EDIL3: variants seen among roughly 807,000 people sequenced by gnomAD.
The protein encoded by EDIL3 is EGF like and discoidin domains 3, also known as EGF-like repeat and discoidin I-like domain-containing protein 3.
EDIL3 carries 37 observed loss-of-function variants against 67.4 expected under a neutral mutation model. That is an observed-to-expected ratio of 0.55 (90% CI 0.42 to 0.72). The LOEUF (loss-of-function observed/expected upper bound fraction) is 0.72, where lower values mean the gene tolerates loss of function less well. Ranked by LOEUF, EDIL3 falls within the 30% of genes least tolerant of loss-of-function variation. The probability of loss-of-function intolerance (pLI) is 0.00; values close to 1 mark genes in which losing one functional copy is unlikely to be tolerated. For missense variants in EDIL3, 527 were observed against 586.3 expected (o/e 0.90, Z 1.04); for synonymous variants, 195 against 196.3 (o/e 0.99, Z 0.05).
At chr5:84,162,025 C>T (rs1004651377) in intron 4 of EDIL3, among the ~76,000 whole-genome samples, 1 of 152,100 alleles carries the variant, frequency 6.6e-6, no homozygotes, top group East Asian at 1.9e-4. Flanking sequence ...CACTGTCTTT[C>T]CCAAGCAGTA....
At chr5:84,054,844 T>C (rs1329251330) in intron 9 of EDIL3, among the ~76,000 whole-genome samples, 2 of 148,508 alleles carry the variant, frequency 1.3e-5, no homozygotes, top group Non-Finnish European at 3.0e-5. Flanking sequence ...TCCATGCTCA[T>C]GGATAGGAAG....
chr5:84,103,634 T>C (rs1747407678), intron 6 of EDIL3, among the ~76,000 whole-genome samples: 1 of 151,970 alleles, frequency 6.6e-6, no homozygotes, highest in Non-Finnish European at 1.5e-5. Context: ...AAATCAGTTA[T>C]CATTAGAGAA....
At chr5:84,234,361 C>T (rs1744639564) in intron 2 of EDIL3, among the ~76,000 whole-genome samples, 1 of 152,148 alleles carries the variant, frequency 6.6e-6, no homozygotes, top group South Asian at 2.1e-4. Context: ...ATCATACAGA[C>T]TCTCCTTGAC....
At chr5:84,371,396 T>C (rs1172789929) in intron 1 of EDIL3, among the ~76,000 whole-genome samples, 1 of 146,446 alleles carries the variant, frequency 6.8e-6, no homozygotes, top group Non-Finnish European at 1.5e-5. Flanking sequence ...TATATGTGTG[T>C]ATATATATGT....
At chr5:84,313,839 C>T (rs1746456686) in intron 1 of EDIL3, among the ~76,000 whole-genome samples, 1 of 152,124 alleles carries the variant, frequency 6.6e-6, no homozygotes, top group Non-Finnish European at 1.5e-5. Flanking sequence ...GATCCACATA[C>T]TAAAGGTATA....
At chr5:84,099,130 G>T (rs1007637527) in intron 6 of EDIL3, among the ~76,000 whole-genome samples, 1 of 152,124 alleles carries the variant, frequency 6.6e-6, no homozygotes, top group South Asian at 2.1e-4. Context: ...AACATTCCAT[G>T]CACATGGATA....
At chr5:84,117,349 A>G (rs1212708752) in intron 5 of EDIL3, among the ~76,000 whole-genome samples, 1 of 152,016 alleles carries the variant, frequency 6.6e-6, no homozygotes, top group East Asian at 1.9e-4. Flanking sequence ...TTTTTGTTGA[A>G]CAATATTTGT....
At chr5:84,060,273 T>G (rs1165412187) in intron 9 of EDIL3, 27 bp downstream of exon 9, 2 of 1,609,054 alleles carry the variant, frequency 1.2e-6, no homozygotes, top group African/African-American at 2.7e-5. Flanking sequence ...GAACAGTGGG[T>G]AGTGAAACAG....
chr5:84,282,921 C>T (rs1045964905), intron 1 of EDIL3, among the ~76,000 whole-genome samples: 5 of 152,114 alleles, frequency 3.3e-5, no homozygotes, highest in Non-Finnish European at 5.9e-5. Context: ...CTGTTTCACA[C>T]ACTTTTTGAA....
intron 3 of EDIL3, among the ~76,000 whole-genome samples, chr5:84,183,117 T>C (rs1389817010): frequency 6.6e-6 from 1 of 152,222 alleles, no homozygotes; most frequent in Admixed American, 6.5e-5. Flanking sequence ...TTACAATTTA[T>C]AAACTCTTTT....
intron 3 of EDIL3, among the ~76,000 whole-genome samples, chr5:84,187,018 A>ATTT: frequency 6.6e-6 from 1 of 152,204 alleles, no homozygotes; most frequent in African/African-American, 2.4e-5. Context: ...CAACAATGGT[A>ATTT]ATATCACTCT....
In EDIL3 at chr5:84,236,171, T is replaced by C. The variant is rs190700255; in HGVS notation, c.197-6287A>G. 2.0e-5 allele frequency among the ~76,000 whole-genome samples: 3 copies of C among 152,122 alleles called. No homozygotes were observed. The East Asian group carries it at 5.8e-4, about 29-fold the overall frequency. The stretch of plus-strand genomic sequence containing the variant: ...AAGAATGCAAGCTTTGGGTTCAATT[T>C]TTGCCACTGAGTAAGAAAACTAAAA... On this transcript the variant is annotated intron_variant, in intron 2 of 10. Coordinates refer to ENST00000296591, the MANE Select transcript of EDIL3 (RefSeq NM_005711.5).
At position 84,303,848 on chromosome 5, in the gene EDIL3, GTT is replaced by G. The variant is rs879434836; in HGVS notation, c.68-49638_68-49637del. ...TGTGTGTGTGTGTGTGTGTGTGTGT[GTT>G]TGTGTGTGTGTGTGTGTGCATGCAT... On this transcript the variant is annotated intron_variant, in intron 1 of 10. Coordinates refer to ENST00000296591, the MANE Select transcript of EDIL3 (RefSeq NM_005711.5). 1.0e-3 allele frequency among the ~76,000 whole-genome samples: 127 copies of G among 123,616 alleles called. 1 individual carries two copies. Among genetic ancestry groups the G allele is most frequent in the Non-Finnish European group, 1.5e-3 (86 of 56,226 alleles). The allele number at this position is 123,616 out of a possible 152,430, so 81.1% of individuals were successfully genotyped here. A position where few individuals can be genotyped will look rare whatever the true frequency, so the allele number is the denominator to read the frequency against.
At chr5:83,986,261 T>C (rs1440572558) in intron 9 of EDIL3, among the ~76,000 whole-genome samples, 1 of 152,144 alleles carries the variant, frequency 6.6e-6, no homozygotes, top group Non-Finnish European at 1.5e-5. Flanking sequence ...TGCATATTGA[T>C]AAAATTCCAA....
At chr5:83,960,470 T>G (rs1004813855) in intron 10 of EDIL3, among the ~76,000 whole-genome samples, 11 of 151,120 alleles carry the variant, frequency 7.3e-5, no homozygotes, top group Admixed American at 1.3e-4. Flanking sequence ...ACACACTGTA[T>G]GCATGTATTA....
intron 9 of EDIL3, among the ~76,000 whole-genome samples, chr5:84,039,545 G>C (rs1445415429): frequency 6.6e-6 from 1 of 152,094 alleles, no homozygotes; most frequent in African/African-American, 2.4e-5. Flanking sequence ...AATTACAGAT[G>C]AGCAGTCTGC....
intron 1 of EDIL3, among the ~76,000 whole-genome samples, chr5:84,297,859 G>A (rs1249192173): frequency 6.6e-6 from 1 of 152,140 alleles, no homozygotes; most frequent in Non-Finnish European, 1.5e-5. Context: ...GAGCCAGCAA[G>A]TCTAGACACA....
At chr5:84,153,279 C>T (rs1379638305) in intron 4 of EDIL3, among the ~76,000 whole-genome samples, 1 of 151,904 alleles carries the variant, frequency 6.6e-6, no homozygotes, top group Non-Finnish European at 1.5e-5. Context: ...CTTTAAAGTC[C>T]TATTGTTATT....
At chr5:84,215,566 T>A (rs2112394224) in intron 3 of EDIL3, among the ~76,000 whole-genome samples, 1 of 152,300 alleles carries the variant, frequency 6.6e-6, no homozygotes, top group East Asian at 1.9e-4. Context: ...TGGGCAGATA[T>A]TTTTAAAAAA....
Sources: allele counts gnomAD v4.1 joint callset (sites outside exome capture counted in the v4.1 genomes callset), GRCh38; gene constraint gnomAD v4.1.1; transcripts MANE v1.5; gene names NCBI Gene and HGNC (gene_info 2026-07-23, HGNC 2026-07-21).